RTF2: variants seen among roughly 807,000 people sequenced by gnomAD.
RTF2 encodes UPF0549 protein C20orf43.
Under a neutral mutation model 38.0 loss-of-function variants are expected in RTF2, and 18 were observed. That is an observed-to-expected ratio of 0.47 (90% CI 0.33 to 0.70). The LOEUF is 0.70. Ranked by LOEUF, RTF2 falls within the 30% of genes least tolerant of loss-of-function variation. RTF2 has a pLI of 0.02. For synonymous variants in RTF2, 126 were observed against 137.1 expected, an observed-to-expected ratio of 0.92 and a Z score of 0.57; for missense variants, 311 against 379.6, an observed-to-expected ratio of 0.82 and a Z score of 1.50.
intron 5 of RTF2, among the ~76,000 whole-genome samples, chr20:56,493,992 G>T (rs1009217880): frequency 6.6e-6 from 1 of 152,168 alleles, no homozygotes; most frequent in East Asian, 1.9e-4. Flanking sequence ...CCCTGTGCCT[G>T]TGGGAGTGAC....
At chr20:56,479,873 G>A (rs561252739) in intron 4 of RTF2, among the ~76,000 whole-genome samples, 7 of 143,270 alleles carry the variant, frequency 4.9e-5, no homozygotes, top group South Asian at 4.3e-4. Context: ...AAAATATTCC[G>A]TAAGCCATGT....
intron 5 of RTF2, among the ~76,000 whole-genome samples, chr20:56,494,312 A>C (rs1307519226): frequency 6.6e-6 from 1 of 152,152 alleles, no homozygotes; most frequent in Non-Finnish European, 1.5e-5. Flanking sequence ...TTTTTTTCAA[A>C]CATTGTTGAA....
intron 5 of RTF2, chr20:56,495,274 C>T (rs1417144873): frequency 9.0e-6 from 14 of 1,551,398 alleles, no homozygotes; most frequent in Admixed American, 2.0e-5. Context: ...TCCCAGCCAG[C>T]GTTTGGTGTA....
rs767067746 is a variant in RTF2 at position 56,513,347 on chromosome 20, C to T, written c.510C>T (p.Ile170=). 6.2e-6 allele frequency: 10 copies of T among 1,607,174 alleles called. No homozygotes were observed. The highest frequency in any genetic ancestry group is 2.2e-5 in the South Asian group (2 of 89,194). ...CGAAFQEDDV[I]MLNGTKEDVD... is the part of the protein sequence containing the mutation. ...CTGCCTTCCAGGAGGATGATGTCAT[C>T]ATGCTCAATGGCACCAAGGAGGATG... Residue 170 remains isoleucine (I), a synonymous_variant, in exon 6 of 9, where the codon ATC becomes ATT. Coordinates refer to ENST00000357348, the MANE Select transcript of RTF2 (RefSeq NM_016407.5).
chr20:56,477,216 G>A, intron 4 of RTF2, 92 bp downstream of exon 4: 1 of 1,483,210 alleles, frequency 6.7e-7, no homozygotes, highest in Non-Finnish European at 9.2e-7. Context: ...CAGTCATGTG[G>A]CTTGCTTTCT....
At chr20:56,469,677 C>T (rs758061958) in intron 1 of RTF2, among the ~76,000 whole-genome samples, 3 of 152,186 alleles carry the variant, frequency 2.0e-5, no homozygotes, top group South Asian at 2.1e-4. Context: ...AAAAGGTAAA[C>T]CCCTTAAGTC....
At chr20:56,508,606 A>G (rs543854052) in intron 5 of RTF2, among the ~76,000 whole-genome samples, 11 of 152,308 alleles carry the variant, frequency 7.2e-5, no homozygotes, top group African/African-American at 2.4e-4. Flanking sequence ...GATCCACTCA[A>G]TATGTGACTC....
chr20:56,496,731 A>C, intron 5 of RTF2: 1 of 1,552,050 alleles, frequency 6.4e-7, no homozygotes, highest in Non-Finnish European at 8.7e-7. Context: ...GATGTCAGTC[A>C]GTATGAACTC....
chr20:56,477,528 A>G (rs1002307685), intron 4 of RTF2, among the ~76,000 whole-genome samples: 12 of 152,002 alleles, frequency 7.9e-5, no homozygotes, highest in Admixed American at 3.9e-4. Context: ...AATTTTTATT[A>G]TGTTTTATAG....
intron 5 of RTF2, among the ~76,000 whole-genome samples, chr20:56,512,142 C>T (rs995518592): frequency 2.6e-5 from 4 of 152,140 alleles, no homozygotes; most frequent in African/African-American, 9.7e-5. Flanking sequence ...CCACCGCGCC[C>T]AGTCTTAGAC....
intron 5 of RTF2, among the ~76,000 whole-genome samples, chr20:56,496,125 C>G (rs573629484): frequency 6.6e-6 from 1 of 152,334 alleles, no homozygotes; most frequent in African/African-American, 2.4e-5. Flanking sequence ...TTGGGAACAT[C>G]TTTCAGCTAA....
intron 5 of RTF2, among the ~76,000 whole-genome samples, chr20:56,509,175 C>T (rs996625752): frequency 6.6e-6 from 1 of 152,072 alleles, no homozygotes. Context: ...AGAAATGGAC[C>T]AGGGATTTAA....
At position 56,518,285 on chromosome 20, in the gene RTF2, C is replaced by T; in HGVS notation, c.*20C>T. 1 of 1,602,176 alleles carries T rather than the reference C, an allele frequency of 6.2e-7. No homozygotes were observed. Among genetic ancestry groups the T allele is most frequent in the Non-Finnish European group, 8.5e-7 (1 of 1,175,326 alleles). ...TTCTGAAGCCCGCACTGCCACCGCT[C>T]CTGCCCCAGAAGGTTGTTTAGTTTC... is the stretch of plus-strand genomic sequence containing the variant. On this transcript the variant is annotated 3_prime_UTR_variant, in exon 9 of 9. Coordinates refer to ENST00000357348, the MANE Select transcript of RTF2 (RefSeq NM_016407.5).
chr20:56,496,422 C>A (rs1347884655), intron 5 of RTF2, among the ~76,000 whole-genome samples: 1 of 152,118 alleles, frequency 6.6e-6, no homozygotes, highest in East Asian at 1.9e-4. Context: ...GTGGTGGGCG[C>A]CTGTAATCCC....
intron 5 of RTF2, chr20:56,497,050 A>C (rs773550117): frequency 1.3e-6 from 2 of 1,551,554 alleles, no homozygotes; most frequent in South Asian, 1.2e-5. Flanking sequence ...ACTTTCATAC[A>C]ATTAATATCT....
chr20:56,480,311 C>G (rs6127764), intron 4 of RTF2, among the ~76,000 whole-genome samples: 2 of 151,942 alleles, frequency 1.3e-5, no homozygotes, highest in African/African-American at 2.4e-5. Flanking sequence ...CCAGTTTCCA[C>G]CTCTTCCTCT....
intron 5 of RTF2, among the ~76,000 whole-genome samples, chr20:56,499,282 C>T (rs6099175): frequency 0.079 from 11,949 of 150,688 alleles, 1,256 homozygotes; most frequent in East Asian, 0.26. Context: ...CCACAATCTC[C>T]GCCTCCCGGG....
intron 6 of RTF2, chr20:56,514,149 C>T (rs1296247937): frequency 6.6e-6 from 1 of 152,084 alleles, no homozygotes. Flanking sequence ...CATGCTTCAT[C>T]GTTCAGAAGG....
chr20:56,483,164 T>TTCCG (rs1982612143), intron 4 of RTF2, among the ~76,000 whole-genome samples: 1 of 152,156 alleles, frequency 6.6e-6, no homozygotes, highest in Non-Finnish European at 1.5e-5. Context: ...CACAACTTCC[T>TTCCG]GAGCACACAT....
Sources: gnomAD v4.1 joint callset for allele counts (sites outside exome capture counted in the v4.1 genomes callset) on GRCh38, gnomAD v4.1.1 for gene constraint, MANE v1.5 for transcripts, NCBI Gene and HGNC (gene_info 2026-07-23, HGNC 2026-07-21) for gene names.